SEPTIN9: variants seen among roughly 807,000 people sequenced by gnomAD.
SEPTIN9 encodes septin 9, also known as septin-9.
SEPTIN9 carries 13 observed loss-of-function variants against 56.6 expected under a neutral mutation model. That is an observed-to-expected ratio of 0.23 (90% CI 0.15 to 0.37). The LOEUF is 0.37. SEPTIN9 is among the 10% of genes least tolerant of loss of function. The probability of loss-of-function intolerance (pLI) is 1.00; values close to 1 mark genes in which losing one functional copy is unlikely to be tolerated. For missense variants in SEPTIN9, 650 were observed against 823.1 expected (o/e 0.79, Z 2.57); for synonymous variants, 332 against 334.1 (o/e 0.99, Z 0.07).
rs890714448 is a variant in SEPTIN9 at position 77,425,789 on chromosome 17, C to G, written c.721+23086C>G. ...CAGCCAGCAGAGTTTTACCTGTGTG[C>G]TTAGAATCTGTGCGTGGAGCCAGAA... is the stretch of plus-strand genomic sequence containing the variant. On this transcript the variant is annotated intron_variant, in intron 3 of 11. Transcript: ENST00000427177. The surrounding 1 kb of genome is among the most constrained non-coding windows in gnomAD (Gnocchi z 4.2). 3.3e-5 allele frequency among the ~76,000 whole-genome samples: 5 copies of G among 150,338 alleles called. No individual in the cohort carries two copies. The highest frequency in any genetic ancestry group is 2.0e-4 in the Admixed American group (3 of 15,104).
At position 77,492,851 on chromosome 17, in the gene SEPTIN9, C is replaced by G. The variant is rs1287986571; in HGVS notation, c.1477-129C>G. 2.5e-6 allele frequency: 3 copies of G among 1,196,746 alleles called. No homozygotes were observed. The highest frequency in any genetic ancestry group is 3.7e-6 in the Non-Finnish European group (3 of 808,242). 74.1% of individuals were successfully genotyped at this position (1,196,746 alleles called of 1,614,324 possible). A position where few individuals can be genotyped will look rare whatever the true frequency, so the allele number is the denominator to read the frequency against. ...AGGGCACTGAGCCCAGGTGTCTGTA[C>G]CCAGTGCTGTCAGGCTGAGGCTCTC... On this transcript the variant is annotated intron_variant, in intron 9 of 11. Coordinates refer to ENST00000427177, the MANE Select transcript of SEPTIN9 (RefSeq NM_001113491.2). This position sits in a 1 kb window ranked among gnomAD's most constrained non-coding sequence, Gnocchi z 5.4.
chr17:77,494,655 C>T (rs907612650), intron 10 of SEPTIN9, among the ~76,000 whole-genome samples: 1 of 152,234 alleles, frequency 6.6e-6, no homozygotes, highest in Non-Finnish European at 1.5e-5. Flanking sequence ...TGGGTTATCT[C>T]GTTTCATGTC....
rs1441739322 is a variant in SEPTIN9, at chr17:77,445,426, G to A, written c.722-36718G>A. On this transcript the variant is annotated intron_variant, in intron 3 of 11. Coordinates refer to ENST00000427177, the MANE Select transcript of SEPTIN9 (RefSeq NM_001113491.2). This position sits in a 1 kb window ranked among gnomAD's most constrained non-coding sequence, Gnocchi z 4.7. The stretch of plus-strand genomic sequence containing the variant: ...TTGGAAAAGAGTTGGCAGGAAGGCT[G>A]AGCTCTGTGCTCACAACCTGGCTTG... 4 of 469,916 alleles carry A rather than the reference G, an allele frequency of 8.5e-6. No individual in the cohort carries two copies. The highest frequency in any genetic ancestry group is 8.0e-5 in the African/African-American group (4 of 50,082). 29.1% of individuals were successfully genotyped at this position (469,916 alleles called of 1,614,324 possible).
rs747674472 is a variant in SEPTIN9, at chr17:77,497,341, G to A, written c.1600G>A (p.Ala534Thr). The change falls in exon 11 of 12, where the codon GCC (alanine) becomes ACC (threonine). Residue 534 changes from alanine (A) to threonine (T), a missense_variant. Ala to Thr is a moderately conservative substitution (Grantham distance 58). This residue lies in a region of SEPTIN9 where 333 missense variants were observed against 494.0 expected (regional missense o/e 0.67). Coordinates refer to ENST00000427177, the MANE Select transcript of SEPTIN9 (RefSeq NM_001113491.2). ...EVENTTHCEFAYLRDLLIRTH... is the reference protein window; with the variant it reads ...EVENTTHCEFTYLRDLLIRTH... Reference sequence around the variant, plus strand: ...TGAAAACACCACACACTGTGAGTTTGCCTACCTGCGGGACCTTCTCATCAG... The same window carrying A: ...TGAAAACACCACACACTGTGAGTTTACCTACCTGCGGGACCTTCTCATCAG... 4 of 1,613,722 alleles carry A rather than the reference G, an allele frequency of 2.5e-6. No individual in the cohort carries two copies. The highest frequency in any genetic ancestry group is 3.4e-6 in the Non-Finnish European group (4 of 1,179,826).
chr17:77,449,566 C>T lies in SEPTIN9; in HGVS notation c.722-32578C>T, dbSNP rs1034322000. On this transcript the variant is annotated intron_variant, in intron 3 of 11. Coordinates refer to ENST00000427177, the MANE Select transcript of SEPTIN9 (RefSeq NM_001113491.2). This position sits in a 1 kb window ranked among gnomAD's most constrained non-coding sequence, Gnocchi z 4.6. ...GGCCAAGGAAGAAGGGTTCTGCCCA[C>T]GGGGAGGGAGAGGCCCACGGGGCAG... 6.6e-5 allele frequency among the ~76,000 whole-genome samples: 10 copies of T among 152,270 alleles called. No homozygotes were observed. The East Asian group carries it at 1.4e-3, about 21-fold the overall frequency.
At chr17:77,309,825 T>C (rs1410208401) in intron 2 of SEPTIN9, among the ~76,000 whole-genome samples, 1 of 152,232 alleles carries the variant, frequency 6.6e-6, no homozygotes, top group East Asian at 1.9e-4. Context: ...ACCATCCCGC[T>C]TAAGAAGTGA....
At chr17:77,306,903 G>C (rs1222690216) in intron 1 of SEPTIN9, among the ~76,000 whole-genome samples, 1 of 152,110 alleles carries the variant, frequency 6.6e-6, no homozygotes, top group Non-Finnish European at 1.5e-5. Flanking sequence ...GCTTGGGGGA[G>C]GATGTGTGTG....
rs2034733095 is a variant in SEPTIN9, at chr17:77,371,994, GGGATATTTCA to G, written c.77-30063_77-30054del. 6.6e-6 allele frequency among the ~76,000 whole-genome samples: 1 copy of G among 152,152 alleles called. No individual in the cohort carries two copies. The highest frequency in any genetic ancestry group is 1.5e-5 in the Non-Finnish European group (1 of 68,022). Reference sequence around the variant, plus strand: ...AGAGTCTCAGCACTCCTGCACATTTGGGATATTTCAGAGGGGGTGGGGAGGGGCAAGTGGG... The same window carrying G: ...AGAGTCTCAGCACTCCTGCACATTTGGAGGGGGTGGGGAGGGGCAAGTGGG... On this transcript the variant is annotated intron_variant, in intron 2 of 11. Coordinates refer to ENST00000427177, the MANE Select transcript of SEPTIN9 (RefSeq NM_001113491.2). This position sits in a 1 kb window ranked among gnomAD's most constrained non-coding sequence, Gnocchi z 4.1.
In SEPTIN9 at chr17:77,499,777, T is replaced by A. The variant is rs1356936892; in HGVS notation, c.*1119T>A. 1 of 355,044 alleles carries A rather than the reference T, an allele frequency of 2.8e-6. No homozygotes were observed. The highest frequency in any genetic ancestry group is 5.3e-6 in the Non-Finnish European group (1 of 190,366). The allele number at this position is 355,044 out of a possible 1,614,324, so 22.0% of individuals were successfully genotyped here. A position where few individuals can be genotyped will look rare whatever the true frequency, so the allele number is the denominator to read the frequency against. On this transcript the variant is annotated 3_prime_UTR_variant, in exon 12 of 12. Transcript: ENST00000427177. ...TCACCCTTCCTGGCCCAGGCCTTGC[T>A]GACTCTCTGAGCTGGGGAGGTGGGA...
chr17:77,384,968 T>C (rs1292259620), intron 2 of SEPTIN9, among the ~76,000 whole-genome samples: 3 of 152,140 alleles, frequency 2.0e-5, no homozygotes, highest in Non-Finnish European at 2.9e-5. Context: ...ATTTTTTCCC[T>C]TTGTTTTTGT....
intron 1 of SEPTIN9, chr17:77,288,139 G>A: frequency 9.4e-7 from 1 of 1,062,940 alleles, no homozygotes; most frequent in Non-Finnish European, 1.1e-6. Context: ...CCCGGCCTGG[G>A]GTTTCAGAGA....
chr17:77,304,263 C>A (rs991639032), intron 1 of SEPTIN9, among the ~76,000 whole-genome samples: 5 of 152,326 alleles, frequency 3.3e-5, no homozygotes, highest in Non-Finnish European at 7.4e-5. Flanking sequence ...CGCTCGCCCC[C>A]TTCTTATGAA....
chr17:77,294,589 CT>C (rs60053451), intron 1 of SEPTIN9: 82,571 of 160,370 alleles, frequency 0.51, 23,469 homozygotes, highest in East Asian at 0.77. Context: ...CTGTTTTTTT[CT>C]TTTTTTTTAA....
intron 1 of SEPTIN9, among the ~76,000 whole-genome samples, chr17:77,296,695 A>G (rs1266745483): frequency 6.6e-6 from 1 of 152,122 alleles, no homozygotes; most frequent in Admixed American, 6.5e-5. Flanking sequence ...TCTACTAAAA[A>G]TAGAAAAATT....
At chr17:77,315,759 C>T (rs1236231963) in intron 2 of SEPTIN9, among the ~76,000 whole-genome samples, 1 of 152,244 alleles carries the variant, frequency 6.6e-6, no homozygotes. Context: ...CCAGCCTGTG[C>T]CGCTGAGCCC....
At chr17:77,360,915 C>CTTTTTT (rs34718935) in intron 2 of SEPTIN9, among the ~76,000 whole-genome samples, 3 of 76,800 alleles carry the variant, frequency 3.9e-5, no homozygotes, top group African/African-American at 1.1e-4. Context: ...GTCTTTCATC[C>CTTTTTT]TTTTTTTTTT....
chr17:77,448,015 G>A (rs1392366019), intron 3 of SEPTIN9, among the ~76,000 whole-genome samples: 1 of 152,240 alleles, frequency 6.6e-6, no homozygotes, highest in Non-Finnish European at 1.5e-5. Flanking sequence ...GGCCTCACCA[G>A]TGTCTTATGA....
chr17:77,350,812 A>G (rs2034036383), intron 2 of SEPTIN9, among the ~76,000 whole-genome samples: 2 of 152,220 alleles, frequency 1.3e-5, no homozygotes, highest in African/African-American at 4.8e-5. Context: ...CCACAACTAG[A>G]AGGGCTGGTG....
At chr17:77,293,749 A>AT (rs1448121812) in intron 1 of SEPTIN9, among the ~76,000 whole-genome samples, 13 of 152,278 alleles carry the variant, frequency 8.5e-5, no homozygotes, top group African/African-American at 3.1e-4. Flanking sequence ...TTTCTCCCAC[A>AT]TTTTTGGCAT....
Sources: allele counts gnomAD v4.1 joint callset (sites outside exome capture counted in the v4.1 genomes callset), GRCh38; gene constraint gnomAD v4.1.1; regional missense constraint gnomAD v4.1.1; non-coding constraint Gnocchi (gnomAD v3.1); transcripts MANE v1.5; gene names NCBI Gene and HGNC (gene_info 2026-07-23, HGNC 2026-07-21).